The following PLXDC1 variants were observed in gnomAD, a reference collection of about 807,000 sequenced individuals.
PLXDC1 encodes plexin domain-containing protein 1.
Under a neutral mutation model 61.3 loss-of-function variants are expected in PLXDC1, and 39 were observed. The observed-to-expected ratio is 0.64, with a 90% CI of 0.49 to 0.83. PLXDC1 has a LOEUF of 0.83. Ranked by LOEUF, PLXDC1 falls within the 40% of genes least tolerant of loss-of-function variation. The pLI, the probability that PLXDC1 is intolerant of heterozygous loss-of-function variation, is 0.00. For missense variants in PLXDC1, 596 were observed against 666.5 expected (o/e 0.89, Z 1.17); for synonymous variants, 212 against 254.5 (o/e 0.83, Z 1.59).
chr17:39,127,727 G>T (rs1023657906), intron 2 of PLXDC1, among the ~76,000 whole-genome samples: 18 of 151,732 alleles, frequency 1.2e-4, no homozygotes, highest in Admixed American at 6.6e-4. Flanking sequence ...ATGCCGAGGC[G>T]GGCGGATCAC....
chr17:39,121,294 A>G (rs1171814798), intron 2 of PLXDC1, among the ~76,000 whole-genome samples: 1 of 152,190 alleles, frequency 6.6e-6, no homozygotes, highest in Non-Finnish European at 1.5e-5. Context: ...ATATTAATTT[A>G]TGACTTTGCC....
At chr17:39,090,739 C>T (rs1380576565) in intron 7 of PLXDC1, among the ~76,000 whole-genome samples, 1 of 152,222 alleles carries the variant, frequency 6.6e-6, no homozygotes, top group East Asian at 1.9e-4. Flanking sequence ...TTTTGCTGTT[C>T]TTCTCATGGC....
intron 6 of PLXDC1, among the ~76,000 whole-genome samples, chr17:39,107,054 C>G (rs2079189): frequency 0.085 from 12,964 of 152,266 alleles, 702 homozygotes; most frequent in Middle Eastern, 0.21. Context: ...ATACTTCACT[C>G]TCCTCTTTGC....
intron 8 of PLXDC1, among the ~76,000 whole-genome samples, chr17:39,086,180 G>T (rs6503746): frequency 6.6e-5 from 10 of 152,018 alleles, no homozygotes; most frequent in Non-Finnish European, 1.2e-4. Context: ...CATCATAGAG[G>T]CTAAGGTTTG....
At chr17:39,130,244 G>A (rs1911515313) in intron 2 of PLXDC1, among the ~76,000 whole-genome samples, 2 of 152,138 alleles carry the variant, frequency 1.3e-5, no homozygotes, top group Non-Finnish European at 2.9e-5. Context: ...CTTGCGTCCA[G>A]GAGTTCAAGA....
intron 1 of PLXDC1, among the ~76,000 whole-genome samples, chr17:39,143,002 G>A (rs1319375807): frequency 6.6e-6 from 1 of 152,168 alleles, no homozygotes; most frequent in Non-Finnish European, 1.5e-5. Context: ...GCCGGGCATG[G>A]TGGCGGGCAC....
At chr17:39,124,575 AG>A (rs1348259087) in intron 2 of PLXDC1, among the ~76,000 whole-genome samples, 3 of 152,260 alleles carry the variant, frequency 2.0e-5, no homozygotes, top group Non-Finnish European at 2.9e-5. Flanking sequence ...CCTGGGCAAC[AG>A]AGCAAGACCC....
At chr17:39,101,503 A>AG (rs1910418497) in intron 7 of PLXDC1, among the ~76,000 whole-genome samples, 1 of 152,166 alleles carries the variant, frequency 6.6e-6, no homozygotes, top group Non-Finnish European at 1.5e-5. Flanking sequence ...AAGGGAAGGG[A>AG]GGGTGAGGTG....
chr17:39,152,833 C>G, upstream of PLXDC1: 1 of 545,284 alleles, frequency 1.8e-6, no homozygotes. Context: ...ACTAAAGGCT[C>G]TCTAATCTCT....
Position 39,108,120 on chromosome 17 carries a change from C to T in PLXDC1, c.592+3G>A. The T allele has an allele frequency of 1.2e-6, 2 of 1,614,184 alleles. No individual in the cohort carries two copies. Among genetic ancestry groups the T allele is most frequent in the Non-Finnish European group, 1.7e-6 (2 of 1,180,030 alleles). ...TGACTTAAATTCTGAGATCCAGTCT[C>T]ACCATTGTCAAAGTAAACAACTGTG... On this transcript the variant is annotated splice_donor_region_variant and intron_variant, in intron 5 of 13. Coordinates refer to ENST00000315392, the MANE Select transcript of PLXDC1 (RefSeq NM_020405.5).
intron 1 of PLXDC1, among the ~76,000 whole-genome samples, chr17:39,141,829 GT>G (rs1019372010): frequency 6.6e-6 from 1 of 151,914 alleles, no homozygotes; most frequent in East Asian, 1.9e-4. Context: ...GTTATTTTCT[GT>G]TTTTTTTATA....
At chr17:39,128,097 G>GTGTGTATATATATATATATATATATATA (rs1911379292) in intron 2 of PLXDC1, among the ~76,000 whole-genome samples, 1 of 67,478 alleles carries the variant, frequency 1.5e-5, no homozygotes, top group African/African-American at 7.3e-5. Context: ...CTCTCTATGT[G>GTGTGTATATATATATATATATATATATA]TATATATATA....
Position 39,089,060 on chromosome 17 carries a change from A to G in PLXDC1, c.812-1358T>C, listed in dbSNP as rs190849057. Among the ~76,000 whole-genome samples the G allele has an allele frequency of 4.0e-3, 606 of 152,228 alleles. 26 individuals carry two copies. The East Asian group carries it at 0.093, about 23-fold the overall frequency. ...AGAAAAGAAAGAAAAAAGAATAAGAAGCAGACAGCCAGGAATTGAGCTTTG... is the reference window on the plus strand; with the variant it reads ...AGAAAAGAAAGAAAAAAGAATAAGAGGCAGACAGCCAGGAATTGAGCTTTG... On this transcript the variant is annotated intron_variant, in intron 7 of 13. Coordinates refer to ENST00000315392, the MANE Select transcript of PLXDC1 (RefSeq NM_020405.5).
intron 2 of PLXDC1, among the ~76,000 whole-genome samples, chr17:39,117,756 A>T (rs1202699789): frequency 6.6e-6 from 1 of 152,168 alleles, no homozygotes; most frequent in Non-Finnish European, 1.5e-5. Flanking sequence ...CAAAACCAAG[A>T]GACATGCCTT....
chr17:39,083,564 G>A (rs765240587), intron 8 of PLXDC1, 24 bp from the exon 9 acceptor site: 26 of 1,568,450 alleles, frequency 1.7e-5, no homozygotes, highest in South Asian at 6.9e-5. Context: ...GGCAGTGGCC[G>A]CTCAGCACCG....
At chr17:39,111,076 C>T (rs73983209) in intron 2 of PLXDC1, among the ~76,000 whole-genome samples, 1 of 152,072 alleles carries the variant, frequency 6.6e-6, no homozygotes, top group African/African-American at 2.4e-5. Flanking sequence ...CCACCATCAG[C>T]CAGCCCCAGC....
At position 39,139,572 on chromosome 17, in the gene PLXDC1, G is replaced by A. The variant is rs1017419361; in HGVS notation, c.255+82C>T. 2.3e-6 allele frequency: 3 copies of A among 1,307,922 alleles called. No individual in the cohort carries two copies. In the African/African-American group the frequency reaches 4.4e-5, roughly 19 times the overall value. The allele number at this position is 1,307,922 out of a possible 1,614,324, so 81.0% of individuals were successfully genotyped here. A position where few individuals can be genotyped will look rare whatever the true frequency, so the allele number is the denominator to read the frequency against. On this transcript the variant is annotated intron_variant, in intron 2 of 13. Coordinates refer to ENST00000315392, the MANE Select transcript of PLXDC1 (RefSeq NM_020405.5). ...ACCCCAAATGATATGTGATTTGCAT[G>A]TAGGACAAGCACACCTGGGGCAGCT...
intron 7 of PLXDC1, among the ~76,000 whole-genome samples, chr17:39,099,151 C>T (rs578162362): frequency 8.2e-4 from 124 of 150,932 alleles, no homozygotes; most frequent in Non-Finnish European, 1.4e-3. Flanking sequence ...ACTCCAACCG[C>T]TCCCACCACC....
chr17:39,089,186 G>C (rs1055235728), intron 7 of PLXDC1, among the ~76,000 whole-genome samples: 2 of 152,180 alleles, frequency 1.3e-5, no homozygotes, highest in Non-Finnish European at 2.9e-5. Context: ...GGGGTACTGT[G>C]CCTGGCCCAT....
Sources: gnomAD v4.1 joint callset for allele counts (sites outside exome capture counted in the v4.1 genomes callset) on GRCh38, gnomAD v4.1.1 for gene constraint, MANE v1.5 for transcripts, NCBI Gene and HGNC (gene_info 2026-07-23, HGNC 2026-07-21) for gene names.